Variants in KPNA7 observed in about 807,000 individuals in gnomAD.
KPNA7 encodes the protein importin subunit alpha-8.
A neutral mutation model predicts 53.7 loss-of-function variants in KPNA7; 54 were observed. That is an observed-to-expected ratio of 1.01 (90% CI 0.81 to 1.26). The LOEUF is 1.26. Ranked by LOEUF, KPNA7 falls within the 50% of genes most tolerant of loss-of-function variation. The probability of loss-of-function intolerance (pLI) is 0.00; values close to 1 mark genes in which losing one functional copy is unlikely to be tolerated. For missense variants in KPNA7, 640 were observed against 644.5 expected, an observed-to-expected ratio of 0.99 and a Z score of 0.07; for synonymous variants, 276 against 259.3, an observed-to-expected ratio of 1.06 and a Z score of -0.62.
Position 99,203,086 on chromosome 7 carries a change from T to A in KPNA7, c.201+20A>T. The A allele has an allele frequency of 6.4e-7, 1 of 1,551,260 alleles. No individual in the cohort carries two copies. Among genetic ancestry groups the A allele is most frequent in the Non-Finnish European group, 8.7e-7 (1 of 1,146,662 alleles). On this transcript the variant is annotated intron_variant, in intron 3 of 10. Coordinates refer to ENST00000327442, the MANE Select transcript of KPNA7 (RefSeq NM_001145715.3). ...AAGAACATATTTTGCCCAAGACTAC[T>A]CTAAACACTACATACTGACCGCCAC...
downstream of KPNA7, among the ~76,000 whole-genome samples, chr7:99,169,782 T>A (rs150491967): frequency 1.5e-3 from 235 of 152,116 alleles, no homozygotes; most frequent in African/African-American, 5.3e-3. Context: ...GGCTCACGCC[T>A]GTAATCCCAG....
At chr7:99,175,435 T>C (rs1181575981) in intron 10 of KPNA7, among the ~76,000 whole-genome samples, 2 of 151,932 alleles carry the variant, frequency 1.3e-5, no homozygotes, top group African/African-American at 4.8e-5. Flanking sequence ...TGTCTTAGCT[T>C]CCCAAAGTGC....
intron 1 of KPNA7, among the ~76,000 whole-genome samples, chr7:99,217,986 C>T (rs1791256150): frequency 6.6e-6 from 1 of 152,048 alleles, no homozygotes; most frequent in African/African-American, 2.4e-5. Flanking sequence ...ATGAGACGCA[C>T]CTGGGGATTC....
chr7:99,182,897 G>T (rs4729521), intron 8 of KPNA7, among the ~76,000 whole-genome samples: 76,052 of 151,902 alleles, frequency 0.5, 21,633 homozygotes, highest in East Asian at 0.66. Context: ...GAAGCTGTAA[G>T]CCTGGGTACA....
At chr7:99,165,147 T>A in the KPNA7 span, among the ~76,000 whole-genome samples, 1 of 151,340 alleles carries the variant, frequency 6.6e-6, no homozygotes, top group African/African-American at 2.4e-5. Context: ...TCTCAAAAAA[T>A]AAAAATAAAA....
At chr7:99,215,369 C>CAAAAAAAA (rs533680824) in intron 1 of KPNA7, among the ~76,000 whole-genome samples, 14 of 52,072 alleles carry the variant, frequency 2.7e-4, no homozygotes, top group African/African-American at 1.0e-3. Flanking sequence ...GAGACTGTCT[C>CAAAAAAAA]AAAAAAAAAA....
At chr7:99,178,943 CT>C (rs1799038983) in intron 9 of KPNA7, among the ~76,000 whole-genome samples, 1 of 151,780 alleles carries the variant, frequency 6.6e-6, no homozygotes, top group African/African-American at 2.4e-5. Context: ...CCATGCCAGG[CT>C]TTTTTGTATT....
At chr7:99,158,509 A>G in the KPNA7 span, among the ~76,000 whole-genome samples, 1 of 151,194 alleles carries the variant, frequency 6.6e-6, no homozygotes, top group Admixed American at 6.6e-5. Context: ...TCTTTTTATT[A>G]TTATTATTAT....
the KPNA7 span, among the ~76,000 whole-genome samples, chr7:99,154,371 C>T: frequency 1.3e-5 from 2 of 151,894 alleles, no homozygotes; most frequent in Non-Finnish European, 2.9e-5. Context: ...TCAAGCAATC[C>T]GCCCACCTTG....
At chr7:99,161,736 C>T in the KPNA7 span, among the ~76,000 whole-genome samples, 2 of 151,996 alleles carry the variant, frequency 1.3e-5, no homozygotes, top group East Asian at 1.9e-4. Flanking sequence ...ATTTTTGCAT[C>T]GCCTTGTTTG....
At chr7:99,164,608 A>G in the KPNA7 span, among the ~76,000 whole-genome samples, 1 of 146,898 alleles carries the variant, frequency 6.8e-6, no homozygotes, top group African/African-American at 2.5e-5. Context: ...CATTGTGCAC[A>G]TGTACCCTAA....
intron 1 of KPNA7, among the ~76,000 whole-genome samples, chr7:99,214,445 AAAAAAAC>A (rs1331403594): frequency 6.8e-6 from 1 of 146,642 alleles, no homozygotes; most frequent in African/African-American, 2.5e-5. Flanking sequence ...CCTATCTCAA[AAAAAAAC>A]AAAAAACAAA....
chr7:99,184,242 C>T (rs1789452709), intron 8 of KPNA7, among the ~76,000 whole-genome samples: 1 of 150,694 alleles, frequency 6.6e-6, no homozygotes, highest in African/African-American at 2.4e-5. Context: ...GCAGCCTTGA[C>T]CTCCCGGGCT....
At chr7:99,212,588 G>A (rs1563093338), upstream of KPNA7, among the ~76,000 whole-genome samples, 1 of 151,834 alleles carries the variant, frequency 6.6e-6, no homozygotes. Flanking sequence ...GCCCCATAAG[G>A]AAGCGTTGCT....
At chr7:99,164,630 T>A in the KPNA7 span, among the ~76,000 whole-genome samples, 1 of 19,656 alleles carries the variant, frequency 5.1e-5, no homozygotes, top group African/African-American at 1.0e-4. Flanking sequence ...ACTTAAAGAA[T>A]TTAAAAAAAA....
chr7:99,184,443 G>A (rs35072460), intron 8 of KPNA7, among the ~76,000 whole-genome samples: 15,219 of 152,162 alleles, frequency 0.1, 903 homozygotes, highest in African/African-American at 0.16. Context: ...AATTACAGTC[G>A]TGAGCCACTG....
the KPNA7 span, among the ~76,000 whole-genome samples, chr7:99,146,711 T>TAAAAAA: frequency 5.7e-5 from 4 of 70,448 alleles, no homozygotes; most frequent in Admixed American, 1.9e-4. Flanking sequence ...GACTGTGTCT[T>TAAAAAA]AAAAAAAAAA....
Position 99,191,731 on chromosome 7 carries a change from C to T in KPNA7, c.636+1288G>A, listed in dbSNP as rs1289627072. On this transcript the variant is annotated intron_variant, in intron 6 of 10. Coordinates refer to ENST00000327442, the MANE Select transcript of KPNA7 (RefSeq NM_001145715.3). ...GTGGCGCAACCTTGGCTCACTGCAACCTTCGCCTCCCAGGTTCAATCAATT... is the reference window on the plus strand; with the variant it reads ...GTGGCGCAACCTTGGCTCACTGCAATCTTCGCCTCCCAGGTTCAATCAATT... Among the ~76,000 whole-genome samples, 3 of 152,086 alleles carry T rather than the reference C, an allele frequency of 2.0e-5. No individual in the cohort carries two copies. The East Asian group carries it at 5.8e-4, about 29-fold the overall frequency.
intron 6 of KPNA7, among the ~76,000 whole-genome samples, chr7:99,190,499 C>T (rs1789889154): frequency 6.6e-6 from 1 of 151,718 alleles, no homozygotes; most frequent in Admixed American, 6.6e-5. Flanking sequence ...AGGACTGGGT[C>T]TCAGGCTCTC....
Sources: allele counts gnomAD v4.1 joint callset (sites outside exome capture counted in the v4.1 genomes callset), GRCh38; gene constraint gnomAD v4.1.1; transcripts MANE v1.5; gene names NCBI Gene and HGNC (gene_info 2026-07-23, HGNC 2026-07-21).